The following FKBP14 variants were observed in gnomAD, a reference collection of about 807,000 sequenced individuals.
FKBP14 encodes the protein FKBP prolyl isomerase 14.
Under a neutral mutation model 21.6 loss-of-function variants are expected in FKBP14, and 20 were observed. The observed-to-expected ratio is 0.92, with a 90% CI of 0.65 to 1.34. The LOEUF is 1.34. Ranked by LOEUF, FKBP14 falls within the 40% of genes most tolerant of loss-of-function variation. The pLI is 0.00. For synonymous variants in FKBP14, 79 were observed against 86.7 expected (o/e 0.91, Z 0.49); for missense variants, 253 against 249.0 (o/e 1.02, Z -0.11).
intron 1 of FKBP14, among the ~76,000 whole-genome samples, chr7:30,024,754 A>C (rs2127950261): frequency 6.6e-6 from 1 of 152,320 alleles, no homozygotes; most frequent in African/African-American, 2.4e-5. Context: ...ATTTACATGG[A>C]GGCTGCATGA....
At chr7:30,024,633 C>T (rs750222445) in intron 1 of FKBP14, among the ~76,000 whole-genome samples, 53 of 152,206 alleles carry the variant, frequency 3.5e-4, no homozygotes, top group Middle Eastern at 6.8e-3. Flanking sequence ...CCTGACCTCG[C>T]GATCTGCCTG....
In FKBP14 at chr7:30,011,596, A is replaced by AC. The variant is rs1562834429; in HGVS notation, c.*3138_*3139insG. On this transcript the variant is annotated 3_prime_UTR_variant, in exon 4 of 4. Transcript: ENST00000222803. ...TATGGTATATATATATATATAGTAT[A>AC]TATATATATATATATTTTTTTTTTT... The AC allele has an allele frequency of 7.9e-6, 1 of 126,810 alleles. No individual in the cohort carries two copies. The highest frequency in any genetic ancestry group is 1.7e-5 in the Non-Finnish European group (1 of 60,426). The allele number at this position is 126,810 out of a possible 1,614,324, so 7.9% of individuals were successfully genotyped here. A position where few individuals can be genotyped will look rare whatever the true frequency, so the allele number is the denominator to read the frequency against.
intron 1 of FKBP14, among the ~76,000 whole-genome samples, chr7:30,026,105 G>A (rs1363714946): frequency 2.0e-5 from 3 of 152,114 alleles, no homozygotes; most frequent in African/African-American, 7.2e-5. Context: ...GCCTTTTCCA[G>A]ACCACATGTT....
chr7:30,012,323 A>G lies in FKBP14; in HGVS notation c.*2412T>C, dbSNP rs924083514. The G allele has an allele frequency of 6.6e-6, 1 of 152,282 alleles. No individual in the cohort carries two copies. Among genetic ancestry groups the G allele is most frequent in the African/African-American group, 2.4e-5 (1 of 41,478 alleles). 9.4% of individuals were successfully genotyped at this position (152,282 alleles called of 1,614,324 possible). ...AACTGATACAAATTCACAGGTTTTT[A>G]AAAATGCTGCCTGAATAATCAAAAC... On this transcript the variant is annotated 3_prime_UTR_variant, in exon 4 of 4. Transcript: ENST00000222803.
At chr7:30,014,993 T>G (rs2127946711) in intron 3 of FKBP14, 100 bp from the exon 4 acceptor site, 45 of 631,686 alleles carry the variant, frequency 7.1e-5, no homozygotes, top group Non-Finnish European at 1.1e-4. Context: ...TTTAGTTCAT[T>G]AACTAAATAT....
chr7:30,019,683 A>G (rs1038747424), intron 2 of FKBP14, among the ~76,000 whole-genome samples: 2 of 152,118 alleles, frequency 1.3e-5, no homozygotes, highest in Admixed American at 1.3e-4. Context: ...CATCTATAAA[A>G]TGCAGATAAT....
Position 30,019,013 on chromosome 7 carries a change from T to G in FKBP14, c.460A>C (p.Lys154Gln). ...AAGGTCACCTCATCTTTAGAGAGTT[T>G]CCAGTCATCATTAAGATCCATTTCT... Reference protein sequence around the residue: ...FQEMDLNDDWKLSKDEVKAYL... With the variant: ...FQEMDLNDDWQLSKDEVKAYL... The change falls in exon 3 of 4, where the codon AAA becomes CAA. Residue 154 changes from lysine to glutamine, a missense_variant. By Grantham distance (53) the Lys-to-Gln change is moderately conservative (BLOSUM62 1). Coordinates refer to ENST00000222803, the MANE Select transcript of FKBP14 (RefSeq NM_017946.4). 2 of 1,609,452 alleles carry G rather than the reference T, an allele frequency of 1.2e-6. No individual in the cohort carries two copies. The highest frequency in any genetic ancestry group is 1.1e-5 in the South Asian group (1 of 89,992).
At chr7:30,018,651 A>G (rs943100206) in intron 3 of FKBP14, among the ~76,000 whole-genome samples, 1 of 152,260 alleles carries the variant, frequency 6.6e-6, no homozygotes, top group Admixed American at 6.5e-5. Context: ...CTTCTTATAC[A>G]GTAACTCCAG....
chr7:30,008,767 G>T (rs1364121661), downstream of FKBP14, among the ~76,000 whole-genome samples: 1 of 152,008 alleles, frequency 6.6e-6, no homozygotes, highest in Non-Finnish European at 1.5e-5. Context: ...ACGAGGTCAG[G>T]AGATCAAGAC....
chr7:30,008,849 G>A (rs1158546603), downstream of FKBP14, among the ~76,000 whole-genome samples: 36 of 151,836 alleles, frequency 2.4e-4, no homozygotes, highest in South Asian at 2.1e-4. Context: ...GGTGGCAGGC[G>A]CCTGTAGCCC....
chr7:30,024,554 C>T (rs1790122755), intron 1 of FKBP14, among the ~76,000 whole-genome samples: 3 of 152,168 alleles, frequency 2.0e-5, no homozygotes. Flanking sequence ...GTGCCCACCA[C>T]GCCCAGATAA....
chr7:30,018,040 AATAAATAG>A (rs1295137562), intron 3 of FKBP14, among the ~76,000 whole-genome samples: 2 of 121,324 alleles, frequency 1.6e-5, no homozygotes, highest in African/African-American at 2.9e-5. Context: ...TAAATAAATA[AATAAATAG>A]ATTTTTGTTT....
chr7:30,022,519 C>T lies in FKBP14; in HGVS notation c.349+146G>A, dbSNP rs1001638645. 30 of 722,748 alleles carry T rather than the reference C, an allele frequency of 4.2e-5. No homozygotes were observed. The South Asian group carries it at 5.9e-4, about 14-fold the overall frequency. 44.8% of individuals were successfully genotyped at this position (722,748 alleles called of 1,614,324 possible). A position where few individuals can be genotyped will look rare whatever the true frequency, so the allele number is the denominator to read the frequency against. ...TAAACTGGCCATTTCAATTGATACTCAAGACATAATACAGTTGCTAAAGGA... is the reference window on the plus strand; with the variant it reads ...TAAACTGGCCATTTCAATTGATACTTAAGACATAATACAGTTGCTAAAGGA... On this transcript the variant is annotated intron_variant, in intron 2 of 3. Coordinates refer to ENST00000222803, the MANE Select transcript of FKBP14 (RefSeq NM_017946.4).
intron 2 of FKBP14, among the ~76,000 whole-genome samples, chr7:30,019,898 G>A (rs963154887): frequency 1.3e-5 from 2 of 152,088 alleles, no homozygotes; most frequent in African/African-American, 4.8e-5. Context: ...TTATATATAT[G>A]TTGAAGACAT....
rs571994550 is a variant in FKBP14, at chr7:30,024,131, A to G, written c.198-1315T>C. 6.6e-5 allele frequency among the ~76,000 whole-genome samples: 10 copies of G among 151,976 alleles called. No homozygotes were observed. In the East Asian group the frequency reaches 1.9e-3, roughly 29 times the overall value. On this transcript the variant is annotated intron_variant, in intron 1 of 3. Transcript: ENST00000222803. ...TATTCAAGGATATCTTGTAGGTGAGAAAAAGAAGTCACTGTACTACGCTTC... is the reference window on the plus strand; with the variant it reads ...TATTCAAGGATATCTTGTAGGTGAGGAAAAGAAGTCACTGTACTACGCTTC...
downstream of FKBP14, chr7:30,008,257 G>A (rs1789648515): frequency 6.6e-6 from 1 of 152,110 alleles, no homozygotes; most frequent in Non-Finnish European, 1.5e-5. Context: ...TGTTTGCTAC[G>A]GCCTCCCTCT....
chr7:30,014,642 CAAGA>C lies in FKBP14; in HGVS notation c.*89_*92del. ...AAATATATAAAAATAAAAAACAAAG[CAAGA>C]AAGAACATTGTATAAAAATAAAATG... On this transcript the variant is annotated 3_prime_UTR_variant, in exon 4 of 4. Transcript: ENST00000222803. 1.2e-6 allele frequency: 1 copy of C among 857,248 alleles called. No individual in the cohort carries two copies. Among genetic ancestry groups the C allele is most frequent in the Non-Finnish European group, 1.6e-6 (1 of 635,394 alleles). 53.1% of individuals were successfully genotyped at this position (857,248 alleles called of 1,614,324 possible).
chr7:30,007,595 C>T (rs1035402618), downstream of FKBP14, among the ~76,000 whole-genome samples: 1 of 152,142 alleles, frequency 6.6e-6, no homozygotes, highest in Non-Finnish European at 1.5e-5. Flanking sequence ...CAATTAGTTG[C>T]CCCAATGCAC....
downstream of FKBP14, among the ~76,000 whole-genome samples, chr7:30,007,930 T>G (rs1789644692): frequency 6.6e-6 from 1 of 152,126 alleles, no homozygotes; most frequent in Admixed American, 6.5e-5. Flanking sequence ...GCACCTTTAG[T>G]CCCAGCTACT....
Sources: allele counts gnomAD v4.1 joint callset (sites outside exome capture counted in the v4.1 genomes callset), GRCh38; gene constraint gnomAD v4.1.1; transcripts MANE v1.5; gene names NCBI Gene and HGNC (gene_info 2026-07-23, HGNC 2026-07-21).